The following CNBD1 variants were observed in gnomAD, a reference collection of about 807,000 sequenced individuals.
CNBD1 encodes the protein cyclic nucleotide-binding domain-containing protein 1.
A neutral mutation model predicts 54.4 loss-of-function variants in CNBD1; 71 were observed. The observed-to-expected ratio is 1.30, with a 90% CI of 1.08 to 1.59. The LOEUF is 1.59. Among genes scored for constraint, CNBD1 ranks in the 40% most tolerant of loss-of-function variants. CNBD1 has a pLI of 0.00. For synonymous variants in CNBD1, 182 were observed against 170.7 expected, an observed-to-expected ratio of 1.07 and a Z score of -0.51; for missense variants, 659 against 518.0, an observed-to-expected ratio of 1.27 and a Z score of -2.64.
At chr8:87,357,063 G>T (rs1189687638) in intron 10 of CNBD1, among the ~76,000 whole-genome samples, 7 of 152,208 alleles carry the variant, frequency 4.6e-5, no homozygotes, top group African/African-American at 1.4e-4. Context: ...AGTTGGGTCT[G>T]CAGGTATATG....
chr8:87,068,361 T>C (rs1004571553), intron 4 of CNBD1, among the ~76,000 whole-genome samples: 3 of 152,042 alleles, frequency 2.0e-5, no homozygotes, highest in African/African-American at 4.8e-5. Flanking sequence ...ATTTCGGAAG[T>C]ATTAAGGGGT....
chr8:87,301,567 A>C (rs1053621180), intron 8 of CNBD1, among the ~76,000 whole-genome samples: 1 of 152,120 alleles, frequency 6.6e-6, no homozygotes, highest in Non-Finnish European at 1.5e-5. Context: ...AATGTAATAC[A>C]CCATATAAAC....
chr8:87,350,113 A>T (rs1810254134), intron 8 of CNBD1, among the ~76,000 whole-genome samples: 1 of 152,160 alleles, frequency 6.6e-6, no homozygotes, highest in South Asian at 2.1e-4. Context: ...AAAAGAAGAT[A>T]CATAGTTTCT....
chr8:87,198,660 T>C (rs1813774085), intron 4 of CNBD1, among the ~76,000 whole-genome samples: 1 of 152,162 alleles, frequency 6.6e-6, no homozygotes, highest in Non-Finnish European at 1.5e-5. Flanking sequence ...CAGAAGTTTT[T>C]ATAGAAATAT....
chr8:87,055,571 C>A (rs112967845), intron 4 of CNBD1, among the ~76,000 whole-genome samples: 97 of 152,206 alleles, frequency 6.4e-4, no homozygotes, highest in African/African-American at 2.2e-3. Flanking sequence ...CCTGCCTGGC[C>A]TGCTTATCTG....
intron 4 of CNBD1, among the ~76,000 whole-genome samples, chr8:87,036,927 C>T (rs538043090): frequency 6.6e-6 from 1 of 152,210 alleles, no homozygotes; most frequent in East Asian, 1.9e-4. Flanking sequence ...CTGTGAAGTC[C>T]CTTCCAATTT....
intron 4 of CNBD1, among the ~76,000 whole-genome samples, chr8:87,148,351 T>G (rs2130745749): frequency 6.6e-6 from 1 of 152,314 alleles, no homozygotes; most frequent in East Asian, 1.9e-4. Context: ...TACTATATGT[T>G]GAACTTGATC....
intron 2 of CNBD1, among the ~76,000 whole-genome samples, chr8:86,898,420 AG>A (rs1386863116): frequency 6.6e-6 from 1 of 152,188 alleles, no homozygotes; most frequent in Non-Finnish European, 1.5e-5. Flanking sequence ...CTCAGATTCA[AG>A]ACTTACTATA....
chr8:87,343,132 A>C (rs1431404637), intron 8 of CNBD1, among the ~76,000 whole-genome samples: 2 of 152,206 alleles, frequency 1.3e-5, no homozygotes, highest in Non-Finnish European at 2.9e-5. Context: ...CAAGAAGAAA[A>C]ATATGGCTGT....
At chr8:87,098,524 TGA>T (rs765269156) in intron 4 of CNBD1, among the ~76,000 whole-genome samples, 8 of 151,884 alleles carry the variant, frequency 5.3e-5, no homozygotes, top group African/African-American at 1.9e-4. Flanking sequence ...AGCTAAGTAG[TGA>T]GAGAGAGTGT....
At chr8:87,364,569 G>A (rs62526815) in intron 10 of CNBD1, among the ~76,000 whole-genome samples, 8,330 of 151,898 alleles carry the variant, frequency 0.055, 262 homozygotes, top group African/African-American at 0.063. Flanking sequence ...GTGGTTTAGT[G>A]TATAGATTTT....
At chr8:87,010,248 T>C (rs909893490) in intron 4 of CNBD1, among the ~76,000 whole-genome samples, 2 of 152,178 alleles carry the variant, frequency 1.3e-5, no homozygotes, top group Non-Finnish European at 2.9e-5. Context: ...ATGCATGTGT[T>C]AGATGTATAG....
chr8:86,968,849 G>A (rs576677331), intron 4 of CNBD1, among the ~76,000 whole-genome samples: 4 of 152,164 alleles, frequency 2.6e-5, no homozygotes, highest in Non-Finnish European at 4.4e-5. Flanking sequence ...ATTTATCTCA[G>A]GTGAGTGGAG....
chr8:86,904,711 A>ATT (rs566617142), intron 2 of CNBD1, among the ~76,000 whole-genome samples: 2 of 152,140 alleles, frequency 1.3e-5, no homozygotes, highest in South Asian at 4.1e-4. Context: ...AAAGATTCAA[A>ATT]TAAATACTCT....
chr8:87,148,251 TTAGG>T (rs1387171895), intron 4 of CNBD1, among the ~76,000 whole-genome samples: 1 of 152,198 alleles, frequency 6.6e-6, no homozygotes, highest in African/African-American at 2.4e-5. Flanking sequence ...TGGTTTCATC[TTAGG>T]TAGTAGTCTT....
At chr8:87,167,616 T>A (rs1405811631) in intron 4 of CNBD1, among the ~76,000 whole-genome samples, 1 of 151,898 alleles carries the variant, frequency 6.6e-6, no homozygotes, top group Non-Finnish European at 1.5e-5. Context: ...CACCTGGTGG[T>A]CTGGTTCTCG....
At chr8:87,424,839 C>T (rs1389099195) in intron 2 of CNBD1, among the ~76,000 whole-genome samples, 1 of 152,092 alleles carries the variant, frequency 6.6e-6, no homozygotes, top group African/African-American at 2.4e-5. Context: ...GTGGCATTCT[C>T]TGTATTTCCT....
intron 6 of CNBD1, among the ~76,000 whole-genome samples, chr8:87,281,553 TA>T (rs1808599051): frequency 2.7e-4 from 1 of 3,686 alleles, no homozygotes; most frequent in Non-Finnish European, 1.5e-3. Context: ...TATATATATA[TA>T]TATATATATA....
intron 4 of CNBD1, among the ~76,000 whole-genome samples, chr8:87,037,233 A>AT (rs1455847034): frequency 6.6e-6 from 1 of 152,014 alleles, no homozygotes; most frequent in African/African-American, 2.4e-5. Flanking sequence ...AAAAGTGCCT[A>AT]TTTTTTAAAA....
Sources: allele counts gnomAD v4.1 joint callset (sites outside exome capture counted in the v4.1 genomes callset), GRCh38; gene constraint gnomAD v4.1.1; transcripts MANE v1.5; gene names NCBI Gene and HGNC (gene_info 2026-07-23, HGNC 2026-07-21).